The following CDH13 variants were observed in gnomAD, a reference collection of about 807,000 sequenced individuals.
The protein encoded by CDH13 is cadherin 13.
Under a neutral mutation model 63.8 loss-of-function variants are expected in CDH13, and 24 were observed. That is an observed-to-expected ratio of 0.38 (90% CI 0.27 to 0.53). The LOEUF (loss-of-function observed/expected upper bound fraction) is 0.53. Among genes scored for constraint, CDH13 ranks in the 20% least tolerant of loss-of-function variants. CDH13 has a pLI of 0.85. For missense variants in CDH13, 1,049 were observed against 903.1 expected, an observed-to-expected ratio of 1.16 and a Z score of -2.07; for synonymous variants, 503 against 355.3, an observed-to-expected ratio of 1.42 and a Z score of -4.67.
chr16:82,689,778 C>T (rs1322513984), intron 1 of CDH13, among the ~76,000 whole-genome samples: 3 of 151,784 alleles, frequency 2.0e-5, no homozygotes, highest in Non-Finnish European at 2.9e-5. Flanking sequence ...AGGGCAGATA[C>T]CACAGGTTGG....
intron 1 of CDH13, among the ~76,000 whole-genome samples, chr16:82,788,106 C>T (rs112471916): frequency 6.6e-6 from 1 of 152,222 alleles, no homozygotes; most frequent in African/African-American, 2.4e-5. Flanking sequence ...TAATTTGCCA[C>T]ATAAACATGA....
chr16:82,772,072 G>A (rs1372237642), intron 1 of CDH13, among the ~76,000 whole-genome samples: 1 of 152,184 alleles, frequency 6.6e-6, no homozygotes, highest in Non-Finnish European at 1.5e-5. Flanking sequence ...AGACACAGAT[G>A]CCCTTGATGT....
At chr16:82,657,402 G>T (rs1364611911) in intron 1 of CDH13, among the ~76,000 whole-genome samples, 1 of 152,094 alleles carries the variant, frequency 6.6e-6, no homozygotes, top group Non-Finnish European at 1.5e-5. Flanking sequence ...ATGGATGATG[G>T]GTAAGATAGA....
At chr16:82,962,255 G>A (rs773124529) in intron 2 of CDH13, among the ~76,000 whole-genome samples, 59 of 152,176 alleles carry the variant, frequency 3.9e-4, no homozygotes, top group Non-Finnish European at 8.4e-4. Context: ...AACCATAGAG[G>A]CAGAAATTAC....
At chr16:83,397,971 T>C (rs1345038610) in intron 6 of CDH13, 3 of 152,240 alleles carry the variant, frequency 2.0e-5, no homozygotes, top group Admixed American at 2.0e-4. Flanking sequence ...ATGCCTGCAC[T>C]GGTCTATTTG....
intron 3 of CDH13, among the ~76,000 whole-genome samples, chr16:83,113,196 C>G (rs183317303): frequency 7.9e-5 from 12 of 152,312 alleles, no homozygotes; most frequent in Admixed American, 5.2e-4. Flanking sequence ...GGTTACTTCA[C>G]AAAGCATTGA....
intron 2 of CDH13, among the ~76,000 whole-genome samples, chr16:82,876,731 G>A (rs2040519207): frequency 6.6e-6 from 1 of 152,092 alleles, no homozygotes; most frequent in Admixed American, 6.6e-5. Flanking sequence ...CCTGGCATTG[G>A]GTCAAGAGCC....
chr16:83,094,921 C>T (rs553037468), intron 3 of CDH13, among the ~76,000 whole-genome samples: 2 of 152,156 alleles, frequency 1.3e-5, no homozygotes, highest in South Asian at 2.1e-4. Flanking sequence ...TATTGAAAAC[C>T]GGTTTGATGA....
At chr16:83,401,070 G>A (rs1397854807) in intron 6 of CDH13, among the ~76,000 whole-genome samples, 1 of 152,172 alleles carries the variant, frequency 6.6e-6, no homozygotes, top group Non-Finnish European at 1.5e-5. Flanking sequence ...GCCAAATGCA[G>A]TGGCTCACAC....
At chr16:83,240,778 C>T (rs1450139769) in intron 5 of CDH13, among the ~76,000 whole-genome samples, 1 of 111,980 alleles carries the variant, frequency 8.9e-6, no homozygotes. Context: ...TCCAAGCTGG[C>T]TTCTAACTCC....
intron 1 of CDH13, among the ~76,000 whole-genome samples, chr16:82,778,578 A>AC (rs1387100169): frequency 1.3e-5 from 2 of 150,742 alleles, no homozygotes; most frequent in Non-Finnish European, 3.0e-5. Context: ...CAGAAAAAAA[A>AC]AAAAAAAAAA....
intron 1 of CDH13, among the ~76,000 whole-genome samples, chr16:82,823,013 C>A (rs1478013314): frequency 6.6e-6 from 1 of 152,134 alleles, no homozygotes; most frequent in Non-Finnish European, 1.5e-5. Flanking sequence ...GAGGCTGGAA[C>A]TGCTAAGGCT....
chr16:83,541,839 T>A (rs775048843), intron 7 of CDH13, among the ~76,000 whole-genome samples: 2 of 152,224 alleles, frequency 1.3e-5, no homozygotes, highest in Non-Finnish European at 1.5e-5. Context: ...TCTTCTCCTA[T>A]GAGAATGTAT....
At chr16:82,707,588 G>T (rs374042261) in intron 1 of CDH13, among the ~76,000 whole-genome samples, 17 of 152,226 alleles carry the variant, frequency 1.1e-4, no homozygotes, top group African/African-American at 4.1e-4. Flanking sequence ...AGTGACCATA[G>T]CACTCAGGGG....
At chr16:83,244,396 T>A (rs910020919) in intron 5 of CDH13, among the ~76,000 whole-genome samples, 4 of 152,158 alleles carry the variant, frequency 2.6e-5, no homozygotes, top group African/African-American at 9.6e-5. Flanking sequence ...CTATTTCCCA[T>A]AAGTTTATCA....
At chr16:82,762,257 C>T (rs548942703) in intron 1 of CDH13, among the ~76,000 whole-genome samples, 1 of 152,180 alleles carries the variant, frequency 6.6e-6, no homozygotes, top group Non-Finnish European at 1.5e-5. Flanking sequence ...CCACGATGAT[C>T]TGATGCTGAG....
At chr16:83,522,684 G>A (rs538187897) in intron 7 of CDH13, among the ~76,000 whole-genome samples, 322 of 152,262 alleles carry the variant, frequency 2.1e-3, no homozygotes, top group African/African-American at 7.1e-3. Flanking sequence ...GCAGGTGGGC[G>A]GCAGAGTTCA....
intron 5 of CDH13, among the ~76,000 whole-genome samples, chr16:83,294,348 A>G (rs74031984): frequency 0.025 from 3,876 of 152,144 alleles, 110 homozygotes; most frequent in African/African-American, 0.065. Context: ...TTCCTATCCA[A>G]TTGAAATGTT....
chr16:83,492,593 T>G (rs2074040452), intron 7 of CDH13, among the ~76,000 whole-genome samples: 1 of 152,210 alleles, frequency 6.6e-6, no homozygotes, highest in African/African-American at 2.4e-5. Flanking sequence ...TCCTTTCAAA[T>G]GAAACACAGC....
Sources: allele counts gnomAD v4.1 joint callset (sites outside exome capture counted in the v4.1 genomes callset), GRCh38; gene constraint gnomAD v4.1.1; transcripts MANE v1.5; gene names NCBI Gene and HGNC (gene_info 2026-07-23, HGNC 2026-07-21).